The following ATXN2 variants were observed in gnomAD, a reference collection of about 807,000 sequenced individuals.
The protein encoded by ATXN2 is ataxin 2.
A neutral mutation model predicts 138.6 loss-of-function variants in ATXN2; 37 were observed. The ratio of observed to expected loss-of-function variants is 0.27; its 90% confidence interval spans 0.21 to 0.35. The LOEUF (loss-of-function observed/expected upper bound fraction) is 0.35. ATXN2 is among the 10% of genes least tolerant of loss of function. ATXN2 has a pLI of 1.00. For synonymous variants in ATXN2, 549 were observed against 543.7 expected (o/e 1.01, Z -0.13); for missense variants, 1,216 against 1,480.3 (o/e 0.82, Z 2.93).
chr12:111,551,123 C>T (rs1454637735), intron 5 of ATXN2, among the ~76,000 whole-genome samples: 2 of 151,938 alleles, frequency 1.3e-5, no homozygotes, highest in Admixed American at 6.6e-5. Context: ...ATGGTGAAAC[C>T]CTGTCTCTAC....
chr12:111,468,208 C>T (rs1876160440), intron 20 of ATXN2: 1 of 152,210 alleles, frequency 6.6e-6, no homozygotes, highest in African/African-American at 2.4e-5. Flanking sequence ...TCAATCGTGC[C>T]TTTGCACGCA....
intron 5 of ATXN2, among the ~76,000 whole-genome samples, chr12:111,544,097 T>A (rs565484650): frequency 9.6e-4 from 146 of 152,028 alleles, no homozygotes; most frequent in Non-Finnish European, 1.5e-3. Flanking sequence ...AGAAAAAAAA[T>A]TAATTTTTAA....
chr12:111,581,145 A>T (rs2135830023), intron 1 of ATXN2, among the ~76,000 whole-genome samples: 1 of 152,084 alleles, frequency 6.6e-6, no homozygotes, highest in South Asian at 2.1e-4. Context: ...CAAAAAAAAA[A>T]AAAAAAAAAG....
intron 18 of ATXN2, among the ~76,000 whole-genome samples, chr12:111,473,353 G>A (rs1000321082): frequency 2.6e-5 from 4 of 151,540 alleles, no homozygotes; most frequent in African/African-American, 7.3e-5. Context: ...CACCTCACTG[G>A]TTACCTTTGG....
intron 1 of ATXN2, among the ~76,000 whole-genome samples, chr12:111,588,991 C>CAAAAAAAAAAAAAAAAAAAAAAAAAAAA (rs58116265): frequency 2.6e-5 from 1 of 38,708 alleles, no homozygotes; most frequent in Non-Finnish European, 5.5e-5. Context: ...CGAGATTTCT[C>CAAAAAAAAAAAAAAAAAAAAAAAAAAAA]AAAAAAAAAA....
At chr12:111,489,693 A>G (rs1877892664) in intron 14 of ATXN2, among the ~76,000 whole-genome samples, 1 of 151,814 alleles carries the variant, frequency 6.6e-6, no homozygotes, top group Admixed American at 6.6e-5. Flanking sequence ...AGGCTGAGAC[A>G]AGCAGACTGC....
At chr12:111,578,710 T>C (rs1006635826) in intron 1 of ATXN2, among the ~76,000 whole-genome samples, 2 of 152,048 alleles carry the variant, frequency 1.3e-5, no homozygotes, top group Admixed American at 1.3e-4. Context: ...CATGAAAAAA[T>C]GCTCAATATC....
intron 1 of ATXN2, among the ~76,000 whole-genome samples, chr12:111,588,838 A>T (rs1474246951): frequency 2.7e-5 from 4 of 149,814 alleles, no homozygotes; most frequent in African/African-American, 4.9e-5. Context: ...TAAAATGCAT[A>T]AAAAAAATTA....
chr12:111,596,205 AACACACACACACACAC>A (rs35316415), intron 1 of ATXN2, among the ~76,000 whole-genome samples: 36 of 141,748 alleles, frequency 2.5e-4, no homozygotes, highest in African/African-American at 7.2e-4. Flanking sequence ...TTCCATCCAA[AACACACACACACACAC>A]ACACACACAC....
intron 18 of ATXN2, 91 bp from the exon 19 acceptor site, chr12:111,470,833 A>AC: frequency 7.2e-7 from 1 of 1,384,342 alleles, no homozygotes; most frequent in Non-Finnish European, 1.0e-6. Flanking sequence ...GAATGATTTG[A>AC]CCCTGAATCT....
chr12:111,537,402 T>C (rs1881249294), intron 5 of ATXN2, among the ~76,000 whole-genome samples: 1 of 151,752 alleles, frequency 6.6e-6, no homozygotes, highest in African/African-American at 2.4e-5. Flanking sequence ...CTGGCCAACA[T>C]GGTGCAACCC....
rs530722193 is a variant in ATXN2 at position 111,595,931 on chromosome 12, C to G, written c.251+2853G>C. On this transcript the variant is annotated intron_variant, in intron 1 of 24. Transcript: ENST00000673436. ...TACAAAAATTGGCCAGGGGCAGTAG[C>G]TCACGCCTGTAATCCCAGCACTTTG... Among the ~76,000 whole-genome samples, 13 of 145,886 alleles carry G rather than the reference C, an allele frequency of 8.9e-5. 3 individuals carry two copies. Among genetic ancestry groups the G allele is most frequent in the African/African-American group, 3.6e-4 (13 of 36,048 alleles).
Position 111,598,984 on chromosome 12 carries a change from C to CTGT in ATXN2, c.50_51insACA (p.Gln28dup), listed in dbSNP as rs758827079. 2.6e-5 allele frequency: 38 copies of CTGT among 1,448,362 alleles called. No homozygotes were observed. The highest frequency in any genetic ancestry group is 2.3e-4 in the Middle Eastern group (1 of 4,284). 89.7% of individuals were successfully genotyped at this position (1,448,362 alleles called of 1,614,324 possible). On this transcript the variant is annotated inframe_insertion, in exon 1 of 25. Coordinates refer to ENST00000673436, the MANE Select transcript of ATXN2 (RefSeq NM_001372574.1). The surrounding 1 kb of genome is among the most constrained non-coding windows in gnomAD (Gnocchi z 4.5). ...GCTGCTGCTGCTGCTGCTGTTGCTG[C>CTGT]TGCTGCTGCTGCTGCTGCTGCTGCT... is the stretch of plus-strand genomic sequence containing the variant.
intron 5 of ATXN2, among the ~76,000 whole-genome samples, chr12:111,551,239 G>A (rs1451158044): frequency 6.6e-6 from 1 of 151,212 alleles, no homozygotes; most frequent in Non-Finnish European, 1.5e-5. Flanking sequence ...AGAGGCTGCA[G>A]TGAGCCGAGA....
chr12:111,565,903 C>T (rs1230863732), intron 1 of ATXN2, among the ~76,000 whole-genome samples: 3 of 150,640 alleles, frequency 2.0e-5, no homozygotes, highest in Admixed American at 1.3e-4. Context: ...AGCTGAGGCA[C>T]GAGAATTGCT....
intron 1 of ATXN2, among the ~76,000 whole-genome samples, chr12:111,587,813 A>G (rs948914837): frequency 6.6e-6 from 1 of 152,144 alleles, no homozygotes; most frequent in African/African-American, 2.4e-5. Flanking sequence ...TCATACCACA[A>G]CTAATGAGTT....
chr12:111,462,967 T>TACACACACACACAC (rs201459505), intron 21 of ATXN2, among the ~76,000 whole-genome samples: 23 of 134,676 alleles, frequency 1.7e-4, no homozygotes, highest in African/African-American at 4.6e-4. Context: ...CACATACATA[T>TACACACACACACAC]ATATATATAT....
rs1332090782 is a variant in ATXN2, at chr12:111,452,328, T to A, written c.*484A>T. 1 of 153,306 alleles carries A rather than the reference T, an allele frequency of 6.5e-6. No homozygotes were observed. The highest frequency in any genetic ancestry group is 1.5e-5 in the Non-Finnish European group (1 of 68,486). 9.5% of individuals were successfully genotyped at this position (153,306 alleles called of 1,614,324 possible). ...AAAGTTGAACCACTGTAGACAGTGA[T>A]CACCTCATCAAACTTGATTTATAAA... On this transcript the variant is annotated 3_prime_UTR_variant, in exon 25 of 25. Coordinates refer to ENST00000673436, the MANE Select transcript of ATXN2 (RefSeq NM_001372574.1).
chr12:111,510,397 G>C lies in ATXN2; in HGVS notation c.1744C>G (p.Pro582Ala), dbSNP rs144066383. ...CTTTGTTACATACCCTCACTAGAAG[G>C]GGTAACAGCTCTGTTCGATGCAGGA... Reference protein sequence around the residue: ...ASPASNRAVTPSSEAKDSRLQ... With the variant: ...ASPASNRAVTASSEAKDSRLQ... The change falls in exon 12 of 25, where the codon CCT becomes GCT. Residue 582 changes from proline to alanine, a missense_variant. This residue lies in a region of ATXN2 where 215 missense variants were observed against 210.0 expected (regional missense o/e 1.02). Coordinates refer to ENST00000673436, the MANE Select transcript of ATXN2 (RefSeq NM_001372574.1). The C allele has an allele frequency of 6.8e-5, 109 of 1,613,868 alleles. No individual in the cohort carries two copies. In the African/African-American group the frequency reaches 1.3e-3, roughly 19 times the overall value.
Sources: gnomAD v4.1 joint callset for allele counts (sites outside exome capture counted in the v4.1 genomes callset) on GRCh38, gnomAD v4.1.1 for gene constraint, gnomAD v4.1.1 regional missense constraint, Gnocchi (gnomAD v3.1) non-coding constraint, MANE v1.5 for transcripts, NCBI Gene and HGNC (gene_info 2026-07-23, HGNC 2026-07-21) for gene names.